WWOX: variants seen among roughly 807,000 people sequenced by gnomAD.
WWOX encodes the protein WW domain containing oxidoreductase, also known as WW domain-containing oxidoreductase.
A neutral mutation model predicts 46.2 loss-of-function variants in WWOX; 69 were observed. The observed-to-expected ratio is 1.49, with a 90% CI of 1.23 to 1.82. The LOEUF (loss-of-function observed/expected upper bound fraction) is 1.82. WWOX is among the 40% of genes most tolerant of loss of function. WWOX has a pLI of 0.00. For missense variants in WWOX, 919 were observed against 542.6 expected, an observed-to-expected ratio of 1.69 and a Z score of -6.89; for synonymous variants, 359 against 202.6, an observed-to-expected ratio of 1.77 and a Z score of -6.56.
rs1291599455 is a variant in WWOX at position 78,710,477 on chromosome 16, T to TATATATATATATATATATATATAC, written c.1056+277747_1056+277748insACATATATATATATATATATATAT. On this transcript the variant is annotated intron_variant, in intron 8 of 8. Coordinates refer to ENST00000566780, the MANE Select transcript of WWOX (RefSeq NM_016373.4). The stretch of plus-strand genomic sequence containing the variant: ...GCAATTAAAGCTAATGGATCTCATA[T>TATATATATATATATATATATATAC]ATATATATATATATATATATATTTA... Among the ~76,000 whole-genome samples the TATATATATATATATATATATATAC allele has an allele frequency of 3.3e-5, 4 of 121,068 alleles. No homozygotes were observed. In the East Asian group the frequency reaches 9.1e-4, roughly 28 times the overall value. 79.4% of individuals were successfully genotyped at this position (121,068 alleles called of 152,430 possible). A position where few individuals can be genotyped will look rare whatever the true frequency, so the allele number is the denominator to read the frequency against.
At position 78,874,690 on chromosome 16, in the gene WWOX, T is replaced by C. The variant is rs922772600; in HGVS notation, c.1057-336918T>C. ...GTGACCAGAAGATTTTTTTCTTTTT[T>C]TTTTTTTTTTTTTTTTTGGCTGACT... On this transcript the variant is annotated intron_variant, in intron 8 of 8. Coordinates refer to ENST00000566780, the MANE Select transcript of WWOX (RefSeq NM_016373.4). 1.6e-3 allele frequency among the ~76,000 whole-genome samples: 219 copies of C among 137,672 alleles called. 1 individual carries two copies. Among genetic ancestry groups the C allele is most frequent in the African/African-American group, 6.4e-3 (215 of 33,616 alleles). The allele number at this position is 137,672 out of a possible 152,430, so 90.3% of individuals were successfully genotyped here. A position where few individuals can be genotyped will look rare whatever the true frequency, so the allele number is the denominator to read the frequency against.
intron 8 of WWOX, among the ~76,000 whole-genome samples, chr16:79,152,303 A>T (rs943097390): frequency 3.3e-5 from 5 of 152,278 alleles, no homozygotes; most frequent in Non-Finnish European, 5.9e-5. Flanking sequence ...TGCAGGTGGA[A>T]CAGGCTTCCT....
At chr16:78,868,212 C>G (rs1027928651) in intron 8 of WWOX, among the ~76,000 whole-genome samples, 2 of 152,164 alleles carry the variant, frequency 1.3e-5, no homozygotes, top group South Asian at 2.1e-4. Context: ...GGAACTAACT[C>G]TGGATACCTT....
intron 8 of WWOX, among the ~76,000 whole-genome samples, chr16:78,625,154 C>G (rs2046283322): frequency 6.6e-6 from 1 of 152,172 alleles, no homozygotes; most frequent in African/African-American, 2.4e-5. Flanking sequence ...GAGAACATCA[C>G]CAATCACGCT....
intron 8 of WWOX, chr16:79,204,699 C>T (rs1196307589): frequency 6.6e-6 from 1 of 152,212 alleles, no homozygotes; most frequent in African/African-American, 2.4e-5. Flanking sequence ...TGCTGATAGC[C>T]CAAGTTAACA....
intron 8 of WWOX, among the ~76,000 whole-genome samples, chr16:78,908,049 G>GGGGC (rs2045011852): frequency 6.6e-6 from 1 of 152,124 alleles, no homozygotes; most frequent in Non-Finnish European, 1.5e-5. Flanking sequence ...CATACTAACC[G>GGGGC]TATGAAAGTT....
chr16:78,614,155 C>G (rs185630244), intron 8 of WWOX, among the ~76,000 whole-genome samples: 299 of 152,290 alleles, frequency 2.0e-3, no homozygotes, highest in Non-Finnish European at 3.6e-3. Flanking sequence ...TATTCACACT[C>G]AGTGGGACAA....
intron 8 of WWOX, among the ~76,000 whole-genome samples, chr16:79,110,360 G>GGA (rs887863440): frequency 6.6e-6 from 1 of 151,978 alleles, no homozygotes; most frequent in Non-Finnish European, 1.5e-5. Flanking sequence ...ATTCCAGCTG[G>GGA]GAGAGGCCAT....
chr16:78,169,553 C>G (rs1472581767), intron 5 of WWOX, among the ~76,000 whole-genome samples: 1 of 151,904 alleles, frequency 6.6e-6, no homozygotes, highest in Non-Finnish European at 1.5e-5. Context: ...ACAGCAAGAC[C>G]TCGACATTCC....
chr16:79,138,519 C>T (rs561409290), intron 8 of WWOX, among the ~76,000 whole-genome samples: 1 of 152,184 alleles, frequency 6.6e-6, no homozygotes. Flanking sequence ...GTGCCATAGA[C>T]AGGTTAGAGA....
intron 8 of WWOX, among the ~76,000 whole-genome samples, chr16:78,850,776 G>A (rs928243404): frequency 1.3e-5 from 2 of 152,170 alleles, no homozygotes; most frequent in Non-Finnish European, 2.9e-5. Context: ...GGGACAAACA[G>A]ATATTGATAC....
intron 8 of WWOX, among the ~76,000 whole-genome samples, chr16:78,464,646 C>G (rs80259028): frequency 0.017 from 2,644 of 152,240 alleles, 93 homozygotes; most frequent in African/African-American, 0.061. Context: ...GCTTTTGCCC[C>G]TCTGTAAATC....
intron 8 of WWOX, among the ~76,000 whole-genome samples, chr16:78,922,814 T>TG (rs1288471682): frequency 6.6e-6 from 1 of 152,150 alleles, no homozygotes; most frequent in Non-Finnish European, 1.5e-5. Context: ...AACTGGAGCT[T>TG]GGGGGTCCCA....
At chr16:78,998,244 G>C (rs1240693280) in intron 8 of WWOX, among the ~76,000 whole-genome samples, 1 of 152,166 alleles carries the variant, frequency 6.6e-6, no homozygotes, top group Non-Finnish European at 1.5e-5. Context: ...CTTCTGCTGG[G>C]ACCCAGGACA....
intron 8 of WWOX, among the ~76,000 whole-genome samples, chr16:78,616,109 C>G (rs746192356): frequency 5.3e-5 from 8 of 152,070 alleles, no homozygotes; most frequent in Non-Finnish European, 1.2e-4. Flanking sequence ...ACGTAGAATT[C>G]CCTACCCTGT....
At chr16:78,709,860 C>A (rs1012177168) in intron 8 of WWOX, among the ~76,000 whole-genome samples, 1 of 151,862 alleles carries the variant, frequency 6.6e-6, no homozygotes, top group Non-Finnish European at 1.5e-5. Flanking sequence ...TCCCGAGTAA[C>A]TGGGATTACA....
intron 8 of WWOX, among the ~76,000 whole-genome samples, chr16:78,559,472 A>G (rs896454689): frequency 1.8e-4 from 27 of 152,158 alleles, no homozygotes; most frequent in African/African-American, 3.4e-4. Flanking sequence ...TCTCCAGCCA[A>G]TGGATTTATG....
intron 5 of WWOX, among the ~76,000 whole-genome samples, chr16:78,371,434 C>T (rs2081682817): frequency 6.6e-6 from 1 of 152,092 alleles, no homozygotes; most frequent in Admixed American, 6.6e-5. Context: ...GAAAAGAATC[C>T]ATATTTTTAT....
At chr16:78,776,584 G>A (rs2142538692) in intron 8 of WWOX, among the ~76,000 whole-genome samples, 1 of 152,226 alleles carries the variant, frequency 6.6e-6, no homozygotes, top group South Asian at 2.1e-4. Context: ...GAACAGATTT[G>A]GAGTGAGGAT....
Sources: gnomAD v4.1 joint callset for allele counts (sites outside exome capture counted in the v4.1 genomes callset) on GRCh38, gnomAD v4.1.1 for gene constraint, MANE v1.5 for transcripts, NCBI Gene and HGNC (gene_info 2026-07-23, HGNC 2026-07-21) for gene names.